Variants in FSD1L observed in about 807,000 individuals in gnomAD.
FSD1L encodes the protein fibronectin type III and SPRY domain containing 1 like.
Under a neutral mutation model 71.6 loss-of-function variants are expected in FSD1L, and 45 were observed. That is an observed-to-expected ratio of 0.63 (90% CI 0.49 to 0.81). The LOEUF (loss-of-function observed/expected upper bound fraction) is 0.81. Ranked by LOEUF, FSD1L falls within the 30% of genes least tolerant of loss-of-function variation. The probability of loss-of-function intolerance (pLI) is 0.00; values close to 1 mark genes in which losing one functional copy is unlikely to be tolerated. For missense variants in FSD1L, 561 were observed against 618.1 expected (o/e 0.91, Z 0.98); for synonymous variants, 197 against 207.2 (o/e 0.95, Z 0.42).
rs555528950 is a variant in FSD1L at position 105,450,028 on chromosome 9, GA to G, written c.15+1799del. Among the ~76,000 whole-genome samples the G allele has an allele frequency of 2.9e-4, 44 of 152,204 alleles. 1 individual carries two copies. The South Asian group carries it at 8.5e-3, about 29-fold the overall frequency. On this transcript the variant is annotated intron_variant, in intron 1 of 13. Coordinates refer to ENST00000481272, the MANE Select transcript of FSD1L (RefSeq NM_001145313.3). Reference sequence around the variant, plus strand: ...ATTGGTGGTACCAAATCTTTCTAATGAAAAAACAAACACCCTTTGGTTTATA... The same window carrying G: ...ATTGGTGGTACCAAATCTTTCTAATGAAAAACAAACACCCTTTGGTTTATA...
intron 9 of FSD1L, among the ~76,000 whole-genome samples, chr9:105,510,335 T>C (rs1330955381): frequency 6.6e-6 from 1 of 152,176 alleles, no homozygotes; most frequent in African/African-American, 2.4e-5. Flanking sequence ...GTTAGACTCC[T>C]ACATGGCCAT....
At chr9:105,536,476 G>A (rs1479743631) in intron 12 of FSD1L, among the ~76,000 whole-genome samples, 1 of 152,092 alleles carries the variant, frequency 6.6e-6, no homozygotes, top group Non-Finnish European at 1.5e-5. Flanking sequence ...GACCAGCAAA[G>A]GACAGTAATT....
At chr9:105,498,863 A>T (rs1833592155) in intron 7 of FSD1L, among the ~76,000 whole-genome samples, 1 of 152,128 alleles carries the variant, frequency 6.6e-6, no homozygotes, top group Non-Finnish European at 1.5e-5. Context: ...ATCTCAAGTG[A>T]TCCGCCCCCC....
At chr9:105,447,494 G>C (rs1588892063), upstream of FSD1L, among the ~76,000 whole-genome samples, 1 of 152,036 alleles carries the variant, frequency 6.6e-6, no homozygotes, top group African/African-American at 2.4e-5. Context: ...CATACAGGTA[G>C]CGAGGTGCCG....
At chr9:105,495,697 C>T (rs1033345827) in intron 7 of FSD1L, among the ~76,000 whole-genome samples, 1 of 152,194 alleles carries the variant, frequency 6.6e-6, no homozygotes, top group Non-Finnish European at 1.5e-5. Context: ...GTTCTTTGGG[C>T]CGGGCGCGGT....
Position 105,535,098 on chromosome 9 carries a change from T to C in FSD1L, c.1158T>C (p.Tyr386=). 1.3e-6 allele frequency: 2 copies of C among 1,551,602 alleles called. No homozygotes were observed. Among genetic ancestry groups the C allele is most frequent in the African/African-American group, 2.7e-5 (2 of 73,156 alleles). The part of the protein sequence containing the change: ...GDTAIESGQH[Y]WEVKAQKDCK... ...CTGCTATTGAAAGTGGACAACATTA[T>C]TGGGAGGTCAAGGCCCAGAAGGATT... Residue 386 remains tyrosine, a synonymous_variant, in exon 12 of 14, where the codon TAT becomes TAC. Coordinates refer to ENST00000481272, the MANE Select transcript of FSD1L (RefSeq NM_001145313.3).
chr9:105,522,518 C>T (rs1835238855), intron 10 of FSD1L: 6 of 1,613,632 alleles, frequency 3.7e-6, no homozygotes, highest in South Asian at 3.3e-5. Flanking sequence ...AAAAAACTGT[C>T]GATATTGATG....
chr9:105,532,852 A>C (rs892493808), intron 10 of FSD1L, among the ~76,000 whole-genome samples: 7 of 152,240 alleles, frequency 4.6e-5, no homozygotes, highest in Non-Finnish European at 1.0e-4. Context: ...AAAAGGAGAC[A>C]GTTGAAGTGG....
Position 105,508,689 on chromosome 9 carries a change from C to G in FSD1L, c.869C>G (p.Ser290Cys). 2.6e-6 allele frequency: 4 copies of G among 1,549,346 alleles called. No individual in the cohort carries two copies. The highest frequency in any genetic ancestry group is 2.6e-6 in the Non-Finnish European group (3 of 1,144,770). The change falls in exon 9 of 14, where the codon TCT (serine) becomes TGT (cysteine). Residue 290 changes from serine to cysteine, a missense_variant. Physicochemically the swap from Ser to Cys is moderately radical, Grantham distance 112. This residue lies in a region of FSD1L where 410 missense variants were observed against 413.5 expected (regional missense o/e 0.99). Transcript: ENST00000481272. ...ACNKAVAGEY[S>C]DPVTLETKAL... ...AACAAGGCTGTGGCTGGAGAGTATT[C>G]TGATCCAGTGACTCTAGAGACCAAA...
upstream of FSD1L, among the ~76,000 whole-genome samples, chr9:105,447,311 G>C (rs1273045296): frequency 9.2e-6 from 1 of 108,678 alleles, no homozygotes; most frequent in African/African-American, 3.8e-5. Flanking sequence ...GTGACAGACC[G>C]AGACTCCATC....
At chr9:105,543,080 C>A (rs1836733133) in intron 13 of FSD1L, among the ~76,000 whole-genome samples, 1 of 151,858 alleles carries the variant, frequency 6.6e-6, no homozygotes, top group South Asian at 2.1e-4. Flanking sequence ...CAGAAAGTTG[C>A]TTTTGTATTT....
chr9:105,495,649 G>A (rs1477420953), intron 7 of FSD1L, among the ~76,000 whole-genome samples: 1 of 152,116 alleles, frequency 6.6e-6, no homozygotes, highest in African/African-American at 2.4e-5. Flanking sequence ...CTTGGCTCCA[G>A]CTCGGGTTGT....
At chr9:105,537,457 A>G (rs1836339833) in intron 12 of FSD1L, among the ~76,000 whole-genome samples, 1 of 152,172 alleles carries the variant, frequency 6.6e-6, no homozygotes, top group East Asian at 1.9e-4. Flanking sequence ...TTCAACTACC[A>G]AGACAACATT....
intron 7 of FSD1L, among the ~76,000 whole-genome samples, chr9:105,496,479 T>G (rs1356095618): frequency 6.6e-6 from 1 of 152,226 alleles, no homozygotes; most frequent in Non-Finnish European, 1.5e-5. Flanking sequence ...TAGGTCAAAT[T>G]GGGAAGAACT....
In FSD1L at chr9:105,547,880, T is replaced by C. The variant is rs1207551542; in HGVS notation, c.*1397T>C. The C allele has an allele frequency of 2.6e-5, 4 of 152,064 alleles. No homozygotes were observed. Among genetic ancestry groups the C allele is most frequent in the South Asian group, 2.1e-4 (1 of 4,832 alleles). The allele number at this position is 152,064 out of a possible 1,614,324, so 9.4% of individuals were successfully genotyped here. A position where few individuals can be genotyped will look rare whatever the true frequency, so the allele number is the denominator to read the frequency against. On this transcript the variant is annotated 3_prime_UTR_variant, in exon 14 of 14. Coordinates refer to ENST00000481272, the MANE Select transcript of FSD1L (RefSeq NM_001145313.3). ...CTTTTTTTCATTCTCATTTAAAATA[T>C]ATTGTGCTATGATAACCAACCTTCT...
intron 7 of FSD1L, among the ~76,000 whole-genome samples, chr9:105,496,202 CTTTT>C (rs542818608): frequency 1.8e-5 from 2 of 113,218 alleles, no homozygotes; most frequent in African/African-American, 3.3e-5. Flanking sequence ...ATGACTGTAG[CTTTT>C]TTTTTTTTTT....
At position 105,468,226 on chromosome 9, in the gene FSD1L, G is replaced by T; in HGVS notation, c.241G>T (p.Glu81Ter). Residue 81 changes from glutamate (E) to a stop codon, truncating the protein, a stop_gained, in exon 4 of 14, where the codon GAA (glutamate) becomes TAA (stop). Transcript: ENST00000481272. LOFTEE classifies it high-confidence loss of function. ...GTCCAACATACTCTCAGAGTTAGAT[G>T]AAGAATTTGATAGTTTATACTCTAT... Reference protein sequence around the residue: ...NSSNILSELDEEFDSLYSILD... With the variant: ...NSSNILSELD 1 of 1,437,508 alleles carries T rather than the reference G, an allele frequency of 7.0e-7. No individual in the cohort carries two copies. Among genetic ancestry groups the T allele is most frequent in the Non-Finnish European group, 9.1e-7 (1 of 1,099,448 alleles). The allele number at this position is 1,437,508 out of a possible 1,614,324, so 89.0% of individuals were successfully genotyped here.
intron 6 of FSD1L, among the ~76,000 whole-genome samples, chr9:105,483,178 A>G (rs1359158630): frequency 1.3e-5 from 2 of 152,222 alleles, no homozygotes; most frequent in African/African-American, 2.4e-5. Flanking sequence ...ATATTTCAGT[A>G]TAGCACTTTC....
chr9:105,492,624 C>T (rs149818825), intron 7 of FSD1L, among the ~76,000 whole-genome samples: 1 of 152,240 alleles, frequency 6.6e-6, no homozygotes, highest in Admixed American at 6.5e-5. Flanking sequence ...TCTGCTTTCT[C>T]TTGTGGGCAT....
Sources: gnomAD v4.1 joint callset for allele counts (sites outside exome capture counted in the v4.1 genomes callset) on GRCh38, gnomAD v4.1.1 for gene constraint, gnomAD v4.1.1 regional missense constraint, MANE v1.5 for transcripts, NCBI Gene and HGNC (gene_info 2026-07-23, HGNC 2026-07-21) for gene names.